FBXL16: variants seen among roughly 807,000 people sequenced by gnomAD.
The protein encoded by FBXL16 is F-box/LRR-repeat protein 16.
In FBXL16, 7 loss-of-function variants were observed where a neutral mutation model predicts 36.7. The observed-to-expected ratio is 0.19, with a 90% confidence interval of 0.11 to 0.36. FBXL16 has a LOEUF of 0.36. FBXL16 is among the 10% of genes least tolerant of loss of function. The pLI is 1.00. For missense variants in FBXL16, 463 were observed against 659.4 expected, an observed-to-expected ratio of 0.70 and a Z score of 3.26; for synonymous variants, 355 against 308.7, an observed-to-expected ratio of 1.15 and a Z score of -1.57.
At position 693,668 on chromosome 16, in the gene FBXL16, G is replaced by C. The variant is rs1303788374; in HGVS notation, c.*607C>G. On this transcript the variant is annotated 3_prime_UTR_variant, in exon 6 of 6. Transcript: ENST00000397621. ...GGATGGGTGAGGAGGTGCGGGTGGG[G>C]CCTGGGCTCTCGGCGGCGGGCCATG... The C allele has an allele frequency of 6.5e-6, 1 of 153,702 alleles. No individual in the cohort carries two copies. The highest frequency in any genetic ancestry group is 1.5e-5 in the Non-Finnish European group (1 of 68,934). The allele number at this position is 153,702 out of a possible 1,614,324, so 9.5% of individuals were successfully genotyped here.
At chr16:694,570 G>T in intron 5 of FBXL16, 64 bp downstream of exon 5, 1 of 1,545,654 alleles carries the variant, frequency 6.5e-7, no homozygotes, top group Non-Finnish European at 8.8e-7. Context: ...GGGCAGGTTG[G>T]GCGGGTGGAC....
At chr16:705,152 T>C (rs1235826267) in intron 1 of FBXL16, among the ~76,000 whole-genome samples, 2 of 152,070 alleles carry the variant, frequency 1.3e-5, no homozygotes, top group Non-Finnish European at 2.9e-5. Context: ...CTCTGGCCTG[T>C]CACTTCGGTC....
intron 5 of FBXL16, 44 bp from the exon 6 acceptor site, chr16:694,467 C>G (rs1179252124): frequency 6.6e-7 from 1 of 1,521,136 alleles, no homozygotes; most frequent in Non-Finnish European, 8.8e-7. Flanking sequence ...CGGCCCAGGG[C>G]TCGGGCGGGG....
intron 1 of FBXL16, among the ~76,000 whole-genome samples, chr16:702,256 G>C (rs925842896): frequency 6.6e-6 from 1 of 152,120 alleles, no homozygotes; most frequent in Non-Finnish European, 1.5e-5. Flanking sequence ...CTCTGCCTGG[G>C]CACACGCCGT....
Position 695,830 on chromosome 16 carries a change from G to T in FBXL16, c.727C>A (p.Arg243Ser). The T allele has an allele frequency of 6.2e-7, 1 of 1,608,936 alleles. No individual in the cohort carries two copies. The stretch of plus-strand genomic sequence containing the variant: ...TCACTCACGCTCAGCGAGGTGATGC[G>T]CGCGCTCAGGCTGGACCACAGCCCG... Reference protein sequence around the residue: ...EAGLWSSLSARITSLSVSDCI... With the variant: ...EAGLWSSLSASITSLSVSDCI... The change falls in exon 3 of 6, where the codon CGC (arginine) becomes AGC (serine). Residue 243 changes from arginine (R) to serine (S), a missense_variant. Physicochemically the swap from Arg to Ser is moderately radical, Grantham distance 110 (BLOSUM62 -1). Around this residue, in one of 3 missense-constraint regions of FBXL16, gnomAD observed 263 missense variants for 341.1 expected, o/e 0.77. Coordinates refer to ENST00000397621, the MANE Select transcript of FBXL16 (RefSeq NM_153350.4).
chr16:695,235 G>T, intron 3 of FBXL16, 159 bp from the exon 4 acceptor site: 1 of 1,150,812 alleles, frequency 8.7e-7, no homozygotes, highest in Non-Finnish European at 1.2e-6. Flanking sequence ...CGGGGGTCCA[G>T]CCAACCCGTG....
At position 697,290 on chromosome 16, in the gene FBXL16, G is replaced by A. The variant is rs1363259575; in HGVS notation, c.116C>T (p.Thr39Met). The part of the protein sequence containing the change: ...GLGAASITKG[T>M]PATKNRPCQP... Reference sequence around the variant, plus strand: ...GCAGGGGCGGTTCTTGGTGGCTGGCGTGCCCTTGGTGATGCTGGCCGCACC... The same window carrying A: ...GCAGGGGCGGTTCTTGGTGGCTGGCATGCCCTTGGTGATGCTGGCCGCACC... Residue 39 changes from threonine (T) to methionine (M), a missense_variant, in exon 2 of 6, where the codon ACG becomes ATG. Physicochemically the swap from Thr to Met is moderately conservative, Grantham distance 81. Transcript: ENST00000397621. The surrounding 1 kb of genome is among the most constrained non-coding windows in gnomAD (Gnocchi z 4.6). 5.2e-6 allele frequency: 8 copies of A among 1,528,788 alleles called. No homozygotes were observed. Among genetic ancestry groups the A allele is most frequent in the Middle Eastern group, 2.0e-4 (1 of 4,916 alleles). 94.7% of individuals were successfully genotyped at this position (1,528,788 alleles called of 1,614,324 possible).
chr16:696,986 C>T lies in FBXL16; in HGVS notation c.420G>A (p.Val140=), dbSNP rs750334041. 3.1e-6 allele frequency: 5 copies of T among 1,595,920 alleles called. No homozygotes were observed. Among genetic ancestry groups the T allele is most frequent in the African/African-American group, 2.7e-5 (2 of 74,552 alleles). ...QPKFWAGLTP[V]LHAKELYNVL... The stretch of plus-strand genomic sequence containing the variant: ...CGTTGTAGAGCTCCTTGGCATGCAG[C>T]ACCGGCGTGAGGCCTGCCCAGAACT... The change falls in exon 2 of 6, where the codon GTG becomes GTA. Residue 140 remains valine, a synonymous_variant. Transcript: ENST00000397621.
Position 694,707 on chromosome 16 carries a change from G to T in FBXL16, c.1228-10C>A. 1 of 1,599,940 alleles carries T rather than the reference G, an allele frequency of 6.3e-7. No homozygotes were observed. The highest frequency in any genetic ancestry group is 8.5e-7 in the Non-Finnish European group (1 of 1,173,350). Reference sequence around the variant, plus strand: ...GCCCGAAGTCTTGCACCTGTCGGGAGTGGAGGAGCGACTTAACGATTTCCG... The same window carrying T: ...GCCCGAAGTCTTGCACCTGTCGGGATTGGAGGAGCGACTTAACGATTTCCG... On this transcript the variant is annotated splice_polypyrimidine_tract_variant and intron_variant, in intron 4 of 5. Coordinates refer to ENST00000397621, the MANE Select transcript of FBXL16 (RefSeq NM_153350.4).
intron 1 of FBXL16, among the ~76,000 whole-genome samples, chr16:701,218 G>A (rs995949582): frequency 2.0e-5 from 3 of 152,152 alleles, no homozygotes; most frequent in Non-Finnish European, 2.9e-5. Flanking sequence ...GACAGGCTGA[G>A]GAGCGGCCGT....
chr16:700,210 C>T (rs2040045745), intron 1 of FBXL16, among the ~76,000 whole-genome samples: 1 of 152,164 alleles, frequency 6.6e-6, no homozygotes, highest in South Asian at 2.1e-4. Context: ...AACACGTGGC[C>T]CTCGTGGCTG....
intron 5 of FBXL16, 77 bp downstream of exon 5, chr16:694,557 A>C: frequency 1.3e-6 from 2 of 1,528,578 alleles, no homozygotes; most frequent in Non-Finnish European, 1.8e-6. Flanking sequence ...TTGCACAAGG[A>C]CCGGGCAGGT....
At chr16:704,883 C>T (rs1023091303) in intron 1 of FBXL16, among the ~76,000 whole-genome samples, 1 of 152,204 alleles carries the variant, frequency 6.6e-6, no homozygotes, top group Non-Finnish European at 1.5e-5. Context: ...GGGTGGGGAA[C>T]GCTCTCCACC....
Position 696,982 on chromosome 16 carries a change from G to C in FBXL16, c.424C>G (p.His142Asp). ...AGCACGTTGTAGAGCTCCTTGGCAT[G>C]CAGCACCGGCGTGAGGCCTGCCCAG... ...KFWAGLTPVL[H>D]AKELYNVLPG... Residue 142 changes from histidine to aspartate, a missense_variant, in exon 2 of 6, where the codon CAT becomes GAT. By Grantham distance (81) the His-to-Asp change is moderately conservative. Transcript: ENST00000397621. 2 of 1,596,124 alleles carry C rather than the reference G, an allele frequency of 1.3e-6. No homozygotes were observed. The highest frequency in any genetic ancestry group is 1.7e-6 in the Non-Finnish European group (2 of 1,172,420).
In FBXL16 at chr16:697,497, G is replaced by A; in HGVS notation, c.-14-78C>T. On this transcript the variant is annotated intron_variant, in intron 1 of 5. Transcript: ENST00000397621. This position sits in a 1 kb window ranked among gnomAD's most constrained non-coding sequence, Gnocchi z 4.6. The stretch of plus-strand genomic sequence containing the variant: ...CGGGGTTGGGGGCGGGTGCAGTGGG[G>A]CTCCTTCCCTCCTTGGGCGTCCCTA... 1 of 1,450,240 alleles carries A rather than the reference G, an allele frequency of 6.9e-7. No individual in the cohort carries two copies. Among genetic ancestry groups the A allele is most frequent in the Non-Finnish European group, 9.1e-7 (1 of 1,100,926 alleles). The allele number at this position is 1,450,240 out of a possible 1,614,324, so 89.8% of individuals were successfully genotyped here. A position where few individuals can be genotyped will look rare whatever the true frequency, so the allele number is the denominator to read the frequency against.
chr16:695,726 G>A lies in FBXL16; in HGVS notation c.831C>T (p.Ala277=). ...LPNLAELSLQ[A]YHVTDTALAY... Reference sequence around the variant, plus strand: ...CCAGCGCCGTGTCCGTCACGTGGTAGGCCTGCAGGCTCAGCTCCGCCAGGT... The same window carrying A: ...CCAGCGCCGTGTCCGTCACGTGGTAAGCCTGCAGGCTCAGCTCCGCCAGGT... The change falls in exon 3 of 6, where the codon GCC becomes GCT. Residue 277 remains alanine (A), a synonymous_variant. Transcript: ENST00000397621. The A allele has an allele frequency of 6.2e-7, 1 of 1,603,534 alleles. No individual in the cohort carries two copies. Among genetic ancestry groups the A allele is most frequent in the Non-Finnish European group, 8.5e-7 (1 of 1,178,298 alleles).
intron 1 of FBXL16, among the ~76,000 whole-genome samples, chr16:700,762 C>T (rs35692463): frequency 0.22 from 33,308 of 151,956 alleles, 4,533 homozygotes; most frequent in East Asian, 0.62. Context: ...CCGCAGACCC[C>T]GCCGGCCGGC....
At chr16:704,080 C>T (rs1247540637) in intron 1 of FBXL16, among the ~76,000 whole-genome samples, 2 of 152,252 alleles carry the variant, frequency 1.3e-5, no homozygotes, top group Admixed American at 6.5e-5. Flanking sequence ...CCTTCACTGC[C>T]AATCCAGTCA....
chr16:703,117 T>G (rs1056046956), intron 1 of FBXL16, among the ~76,000 whole-genome samples: 3 of 152,194 alleles, frequency 2.0e-5, no homozygotes, highest in African/African-American at 7.2e-5. Flanking sequence ...CAGGTGTACC[T>G]CACAGGGTCC....
Sources: allele counts gnomAD v4.1 joint callset (sites outside exome capture counted in the v4.1 genomes callset), GRCh38; gene constraint gnomAD v4.1.1; regional missense constraint gnomAD v4.1.1; non-coding constraint Gnocchi (gnomAD v3.1); transcripts MANE v1.5; gene names NCBI Gene and HGNC (gene_info 2026-07-23, HGNC 2026-07-21).